TCERG1L: variants seen among roughly 807,000 people sequenced by gnomAD.
The protein encoded by TCERG1L is transcription elongation regulator 1-like protein.
Under a neutral mutation model 56.3 loss-of-function variants are expected in TCERG1L, and 37 were observed. The ratio of observed to expected loss-of-function variants is 0.66; its 90% CI spans 0.51 to 0.87. The LOEUF (loss-of-function observed/expected upper bound fraction) is 0.87. TCERG1L is among the 40% of genes least tolerant of loss of function. The pLI, the probability that TCERG1L is intolerant of heterozygous loss-of-function variation, is 0.00. For synonymous variants in TCERG1L, 324 were observed against 326.3 expected, an observed-to-expected ratio of 0.99 and a Z score of 0.08; for missense variants, 799 against 774.2, an observed-to-expected ratio of 1.03 and a Z score of -0.38.
Position 131,109,408 on chromosome 10 carries a change from G to A in TCERG1L, c.1396-5054C>T, listed in dbSNP as rs561013545. 5.9e-5 allele frequency among the ~76,000 whole-genome samples: 9 copies of A among 152,256 alleles called. No homozygotes were observed. The East Asian group carries it at 7.7e-4, about 13-fold the overall frequency. On this transcript the variant is annotated intron_variant, in intron 9 of 11. Transcript: ENST00000368642. ...GGATGACGTGGCCGTGTCTGTGACC[G>A]TGGCTGGGTCTGTGACCGTGACCAT...
Position 131,132,813 on chromosome 10 carries a change from G to A in TCERG1L, c.1259+1566C>T, listed in dbSNP as rs566430635. ...CTAAGGAGGAGATTTGGGGTAGCAAGAAGACAGCTGCCCAGGAGATTGTGG... is the reference window on the plus strand; with the variant it reads ...CTAAGGAGGAGATTTGGGGTAGCAAAAAGACAGCTGCCCAGGAGATTGTGG... On this transcript the variant is annotated intron_variant, in intron 8 of 11. Coordinates refer to ENST00000368642, the MANE Select transcript of TCERG1L (RefSeq NM_174937.4). 7.2e-5 allele frequency among the ~76,000 whole-genome samples: 11 copies of A among 152,324 alleles called. No homozygotes were observed. The South Asian group carries it at 2.3e-3, about 32-fold the overall frequency.
At chr10:131,155,509 G>A (rs1564803309) in intron 6 of TCERG1L, among the ~76,000 whole-genome samples, 1 of 152,210 alleles carries the variant, frequency 6.6e-6, no homozygotes, top group Non-Finnish European at 1.5e-5. Context: ...CTCCACCCGG[G>A]CTGGGGGCTG....
chr10:131,268,484 C>T (rs1183836053), intron 3 of TCERG1L, among the ~76,000 whole-genome samples: 1 of 152,136 alleles, frequency 6.6e-6, no homozygotes, highest in East Asian at 1.9e-4. Context: ...CTGCACTGGC[C>T]CCTAACCAGA....
intron 7 of TCERG1L, among the ~76,000 whole-genome samples, chr10:131,145,103 A>C (rs1845781995): frequency 6.6e-6 from 1 of 152,256 alleles, no homozygotes. Flanking sequence ...ACGCAAGCTA[A>C]AGAAAGGAGT....
At chr10:131,283,761 G>T (rs1347219479) in intron 3 of TCERG1L, among the ~76,000 whole-genome samples, 2 of 152,162 alleles carry the variant, frequency 1.3e-5, no homozygotes, top group African/African-American at 2.4e-5. Flanking sequence ...TGACATAAAT[G>T]AAGAGAGACT....
rs181951645 is a variant in TCERG1L, at chr10:131,209,849, C to A, written c.857-42964G>T. On this transcript the variant is annotated intron_variant, in intron 4 of 11. Coordinates refer to ENST00000368642, the MANE Select transcript of TCERG1L (RefSeq NM_174937.4). The stretch of plus-strand genomic sequence containing the variant: ...AAGAAGACTTTGTAATATTAATTTA[C>A]AAAGATAATGCTTTTAAAATGTTAC... Among the ~76,000 whole-genome samples the A allele has an allele frequency of 5.7e-4, 87 of 152,180 alleles. No homozygotes were observed. The East Asian group carries it at 8.7e-3, about 15-fold the overall frequency.
intron 7 of TCERG1L, among the ~76,000 whole-genome samples, chr10:131,141,592 C>T (rs1845739428): frequency 6.6e-6 from 1 of 152,034 alleles, no homozygotes; most frequent in Non-Finnish European, 1.5e-5. Flanking sequence ...AACTTCCTCT[C>T]CTCCCTCCCT....
chr10:131,123,220 G>C (rs1845530697), intron 8 of TCERG1L, among the ~76,000 whole-genome samples: 2 of 152,294 alleles, frequency 1.3e-5, no homozygotes, highest in African/African-American at 4.8e-5. Context: ...TCACATTCTA[G>C]AGGCAGGGAC....
rs1845270504 is a variant in TCERG1L at position 131,098,349 on chromosome 10, C to T, written c.1561G>A (p.Glu521Lys). 1.3e-6 allele frequency: 2 copies of T among 1,553,362 alleles called. No homozygotes were observed. The highest frequency in any genetic ancestry group is 1.7e-6 in the Non-Finnish European group (2 of 1,147,654). Residue 521 changes from glutamate (E) to lysine (K), a missense_variant, in exon 11 of 12, where the codon GAA becomes AAA. Glu to Lys is a moderately conservative substitution (Grantham distance 56). Transcript: ENST00000368642. ...EKKSKLLLAK[E>K]EFKKLLEESK... ...TCCTCTAGAAGTTTCTTGAATTCTT[C>T]TTTGGCTAGCAGCAATTTACTTTTC...
intron 4 of TCERG1L, among the ~76,000 whole-genome samples, chr10:131,174,915 C>T (rs931234973): frequency 6.6e-6 from 1 of 152,212 alleles, no homozygotes; most frequent in East Asian, 1.9e-4. Flanking sequence ...TTACCTGAAC[C>T]CACCCCTCTA....
At chr10:131,205,666 C>T (rs1042957729) in intron 4 of TCERG1L, among the ~76,000 whole-genome samples, 2 of 152,208 alleles carry the variant, frequency 1.3e-5, no homozygotes, top group Non-Finnish European at 2.9e-5. Context: ...GGTCATGGGG[C>T]CACCCTGGCA....
At chr10:131,252,833 G>A (rs145348987) in intron 4 of TCERG1L, among the ~76,000 whole-genome samples, 246 of 152,304 alleles carry the variant, frequency 1.6e-3, no homozygotes, top group African/African-American at 5.4e-3. Context: ...AACATGATCT[G>A]CACAGTGACC....
chr10:131,095,480 C>T (rs2133376656), intron 11 of TCERG1L: 1 of 152,306 alleles, frequency 6.6e-6, no homozygotes, highest in Admixed American at 6.5e-5. Context: ...TCTAAGAGGC[C>T]CACGTCGCCT....
At chr10:131,246,382 C>T (rs944028768) in intron 4 of TCERG1L, among the ~76,000 whole-genome samples, 5 of 152,064 alleles carry the variant, frequency 3.3e-5, no homozygotes, top group African/African-American at 1.2e-4. Context: ...GAGAGGGCGG[C>T]CATGCTGGAC....
At chr10:131,185,736 T>C (rs978337364) in intron 4 of TCERG1L, among the ~76,000 whole-genome samples, 2 of 150,552 alleles carry the variant, frequency 1.3e-5, no homozygotes, top group African/African-American at 4.9e-5. Context: ...TAAAGGAAAA[T>C]AACAAGTATT....
At chr10:131,309,986 T>C (rs1846866560) in intron 1 of TCERG1L, among the ~76,000 whole-genome samples, 1 of 152,048 alleles carries the variant, frequency 6.6e-6, no homozygotes, top group African/African-American at 2.4e-5. Flanking sequence ...ACTAATAAAA[T>C]GCATTGCTCA....
chr10:131,287,668 G>C (rs978235521), intron 3 of TCERG1L, among the ~76,000 whole-genome samples: 1 of 152,158 alleles, frequency 6.6e-6, no homozygotes, highest in Non-Finnish European at 1.5e-5. Context: ...TTGCCATCTA[G>C]AGCGGGCTTA....
chr10:131,095,614 A>G (rs1410623439), intron 11 of TCERG1L: 4 of 152,230 alleles, frequency 2.6e-5, no homozygotes, highest in Non-Finnish European at 1.5e-5. Context: ...AAACTTAGCT[A>G]CTTTTAAAAT....
intron 4 of TCERG1L, among the ~76,000 whole-genome samples, chr10:131,223,615 C>T (rs1845759331): frequency 6.6e-6 from 1 of 152,056 alleles, no homozygotes; most frequent in Non-Finnish European, 1.5e-5. Context: ...CATGCTCACA[C>T]ACACTGACAT....
Sources: gnomAD v4.1 joint callset for allele counts (sites outside exome capture counted in the v4.1 genomes callset) on GRCh38, gnomAD v4.1.1 for gene constraint, MANE v1.5 for transcripts, NCBI Gene and HGNC (gene_info 2026-07-23, HGNC 2026-07-21) for gene names.